The following NGEF variants were observed in gnomAD, a reference collection of about 807,000 sequenced individuals.
The protein encoded by NGEF is ephexin-1.
In NGEF, 31 loss-of-function variants were observed where a neutral mutation model predicts 80.9. The observed-to-expected ratio is 0.38, with a 90% CI of 0.29 to 0.52. The LOEUF is 0.52. Ranked by LOEUF, NGEF falls within the 20% of genes least tolerant of loss-of-function variation. The pLI is 0.84. For synonymous variants in NGEF, 371 were observed against 370.2 expected (o/e 1.00, Z -0.03); for missense variants, 709 against 926.2 (o/e 0.77, Z 3.04).
At position 232,927,195 on chromosome 2, in the gene NGEF, G is replaced by A; in HGVS notation, c.384-9C>T. 1 of 1,575,914 alleles carries A rather than the reference G, an allele frequency of 6.3e-7. No individual in the cohort carries two copies. The highest frequency in any genetic ancestry group is 8.6e-7 in the Non-Finnish European group (1 of 1,164,120). On this transcript the variant is annotated splice_polypyrimidine_tract_variant and intron_variant, in intron 3 of 14. Transcript: ENST00000264051. ...GGGTGGAGGACGACTCACTGCCAGAGAGGGAGGAGGACAGGGGCTGGTTAT... is the reference window on the plus strand; with the variant it reads ...GGGTGGAGGACGACTCACTGCCAGAAAGGGAGGAGGACAGGGGCTGGTTAT...
At chr2:232,923,432 G>C (rs909476489) in intron 4 of NGEF, among the ~76,000 whole-genome samples, 4 of 152,080 alleles carry the variant, frequency 2.6e-5, no homozygotes, top group African/African-American at 9.7e-5. Context: ...AGTGAAGGTT[G>C]ACTGATCAAA....
chr2:233,003,719 C>T (rs911175261), intron 1 of NGEF, among the ~76,000 whole-genome samples: 1 of 152,162 alleles, frequency 6.6e-6, no homozygotes, highest in Admixed American at 6.5e-5. Flanking sequence ...GACGCAAAGG[C>T]CCAGCCCAGC....
intron 5 of NGEF, among the ~76,000 whole-genome samples, chr2:232,899,784 ACTCACATTCACT>A (rs1331733478): frequency 8.5e-6 from 1 of 118,146 alleles, no homozygotes. Flanking sequence ...ATACACGTTC[ACTCACATTCACT>A]CACACACACG....
intron 5 of NGEF, among the ~76,000 whole-genome samples, chr2:232,902,038 G>GGGGCCA (rs1324330910): frequency 6.6e-6 from 1 of 152,224 alleles, no homozygotes; most frequent in Non-Finnish European, 1.5e-5. Flanking sequence ...TCTAGCAGCT[G>GGGGCCA]GGGCCAGAGC....
chr2:233,004,318 C>T (rs530022154), intron 1 of NGEF, among the ~76,000 whole-genome samples: 79 of 152,262 alleles, frequency 5.2e-4, no homozygotes, highest in African/African-American at 1.8e-3. Context: ...CCCATGCTCC[C>T]TGCTTTCCAC....
chr2:232,905,181 C>G (rs545971324), intron 5 of NGEF, among the ~76,000 whole-genome samples: 29 of 152,184 alleles, frequency 1.9e-4, no homozygotes, highest in Admixed American at 1.8e-3. Flanking sequence ...GCTGCCATCT[C>G]GGCTCACTGC....
At chr2:232,940,491 C>T (rs1310397800) in intron 3 of NGEF, among the ~76,000 whole-genome samples, 1 of 152,122 alleles carries the variant, frequency 6.6e-6, no homozygotes, top group East Asian at 1.9e-4. Flanking sequence ...GATTCTACTT[C>T]TAGGAATGTT....
chr2:232,921,628 T>C (rs996880121), intron 4 of NGEF, among the ~76,000 whole-genome samples: 7 of 95,086 alleles, frequency 7.4e-5, no homozygotes, highest in African/African-American at 3.3e-4. Context: ...GTTTTTCCTC[T>C]TTTTTTTTTT....
At chr2:232,881,301 C>T (rs766925233) in intron 13 of NGEF, 51 bp from the exon 14 acceptor site, 5 of 1,427,526 alleles carry the variant, frequency 3.5e-6, no homozygotes, top group Non-Finnish European at 3.9e-6. Context: ...TACCCACCTG[C>T]ACACTCCCAC....
chr2:232,898,971 C>CGT (rs1692181004), intron 5 of NGEF, among the ~76,000 whole-genome samples: 1 of 150,646 alleles, frequency 6.6e-6, no homozygotes, highest in African/African-American at 2.5e-5. Flanking sequence ...TGTGTGAATG[C>CGT]ATGTGTGTGT....
At chr2:232,991,092 G>A (rs998549123) in intron 1 of NGEF, among the ~76,000 whole-genome samples, 3 of 152,016 alleles carry the variant, frequency 2.0e-5, no homozygotes, top group African/African-American at 7.2e-5. Flanking sequence ...TCTCAAACCT[G>A]ATGAAGGGCA....
At chr2:232,954,468 G>C (rs1354636663) in intron 3 of NGEF, among the ~76,000 whole-genome samples, 3 of 152,160 alleles carry the variant, frequency 2.0e-5, no homozygotes. Flanking sequence ...GCTCACACCT[G>C]TAATCCCAGC....
intron 1 of NGEF, among the ~76,000 whole-genome samples, chr2:233,003,097 A>G (rs1695014527): frequency 1.3e-5 from 2 of 152,170 alleles, no homozygotes; most frequent in African/African-American, 4.8e-5. Flanking sequence ...TTTTTAGCTG[A>G]CACGTGATTG....
At chr2:232,995,920 C>T (rs1184123853) in intron 1 of NGEF, among the ~76,000 whole-genome samples, 1 of 150,570 alleles carries the variant, frequency 6.6e-6, no homozygotes, top group East Asian at 2.0e-4. Flanking sequence ...ATCACTTATC[C>T]AACACAGCAT....
intron 1 of NGEF, among the ~76,000 whole-genome samples, chr2:232,984,835 G>A (rs1403809706): frequency 6.6e-6 from 1 of 152,216 alleles, no homozygotes; most frequent in East Asian, 1.9e-4. Context: ...TCTAAAGCCA[G>A]CTCTTCAAGG....
In NGEF at chr2:232,995,455, CTGACAGTATACAT is replaced by C. The variant is rs1407835990; in HGVS notation, c.-75+17600_-75+17612del. On this transcript the variant is annotated intron_variant, in intron 1 of 14. Coordinates refer to ENST00000264051, the MANE Select transcript of NGEF (RefSeq NM_019850.3). ...TGTATATATATACACAGTATGTATA[CTGACAGTATACAT>C]ACTGTATATATACACAGTATGTATA... Among the ~76,000 whole-genome samples, 21 of 8,488 alleles carry C rather than the reference CTGACAGTATACAT, an allele frequency of 2.5e-3. No homozygotes were observed. In the South Asian group the frequency reaches 0.062, roughly 25 times the overall value. 5.6% of individuals were successfully genotyped at this position (8,488 alleles called of 152,430 possible).
chr2:232,969,491 C>T (rs62191855), intron 3 of NGEF, among the ~76,000 whole-genome samples: 58,886 of 90,002 alleles, frequency 0.65, 18,421 homozygotes, highest in East Asian at 0.74. Context: ...CTTCCTTCCT[C>T]CCTCCCTCCC....
rs1157527512 is a variant in NGEF, at chr2:232,970,318, G to A, written c.279C>T (p.Asp93=). ...GGGGCTCATTTACAGATTTTCCATT[G>A]TCCTGTGAATCTGTGACAATTCAGA... ...RNASCLADSQ[D]NGKSVNEPLT... is the part of the protein sequence containing the mutation. Residue 93 remains aspartate (D), a synonymous_variant, in exon 3 of 15, where the codon GAC becomes GAT. Transcript: ENST00000264051. 1 of 1,592,934 alleles carries A rather than the reference G, an allele frequency of 6.3e-7. No homozygotes were observed. The highest frequency in any genetic ancestry group is 1.1e-5 in the South Asian group (1 of 88,426).
chr2:232,934,871 G>A (rs1253609121), intron 3 of NGEF, among the ~76,000 whole-genome samples: 1 of 151,852 alleles, frequency 6.6e-6, no homozygotes, highest in Non-Finnish European at 1.5e-5. Context: ...AGCCAGGCAT[G>A]GTAGCATGCA....
Sources: allele counts gnomAD v4.1 joint callset (sites outside exome capture counted in the v4.1 genomes callset), GRCh38; gene constraint gnomAD v4.1.1; transcripts MANE v1.5; gene names NCBI Gene and HGNC (gene_info 2026-07-23, HGNC 2026-07-21).